RAB28: variants seen among roughly 807,000 people sequenced by gnomAD.
The protein encoded by RAB28 is ras-related protein Rab-28.
A neutral mutation model predicts 31.7 loss-of-function variants in RAB28; 24 were observed. The ratio of observed to expected loss-of-function variants is 0.76; its 90% CI spans 0.55 to 1.06. The LOEUF is 1.06. Ranked by LOEUF, RAB28 falls within the 50% of genes least tolerant of loss-of-function variation. The pLI is 0.00. For synonymous variants in RAB28, 100 were observed against 90.4 expected (o/e 1.11, Z -0.60); for missense variants, 254 against 258.5 (o/e 0.98, Z 0.12).
intron 4 of RAB28, among the ~76,000 whole-genome samples, chr4:13,385,556 G>C (rs1729331465): frequency 6.6e-6 from 1 of 152,090 alleles, no homozygotes; most frequent in African/African-American, 2.4e-5. Flanking sequence ...TTAAAGAAAA[G>C]AAATTCCAGC....
At chr4:13,451,050 C>A (rs1714943586) in intron 4 of RAB28, among the ~76,000 whole-genome samples, 1 of 151,764 alleles carries the variant, frequency 6.6e-6, no homozygotes. Context: ...ATAATCTGAT[C>A]TGCAATTTGG....
chr4:13,405,123 A>G (rs190342469), intron 4 of RAB28, among the ~76,000 whole-genome samples: 58 of 152,288 alleles, frequency 3.8e-4, no homozygotes, highest in Admixed American at 2.0e-3. Context: ...GTGCTGGAAA[A>G]TCAGCTGAAA....
At position 13,447,632 on chromosome 4, in the gene RAB28, G is replaced by T. The variant is rs542483842; in HGVS notation, c.391+13067C>A. Among the ~76,000 whole-genome samples, 9 of 152,180 alleles carry T rather than the reference G, an allele frequency of 5.9e-5. No individual in the cohort carries two copies. The South Asian group carries it at 1.7e-3, about 28-fold the overall frequency. On this transcript the variant is annotated intron_variant, in intron 4 of 6. Transcript: ENST00000330852. ...AAATTTTTTTTAAAAAAGCGATTTAGAGCCCCCAAAATACCCTTAAAGTTG... is the reference window on the plus strand; with the variant it reads ...AAATTTTTTTTAAAAAAGCGATTTATAGCCCCCAAAATACCCTTAAAGTTG...
At chr4:13,369,895 C>A (rs1485542079) in intron 6 of RAB28, 2 of 1,612,160 alleles carry the variant, frequency 1.2e-6, no homozygotes, top group South Asian at 2.2e-5. Flanking sequence ...TGAACAGATT[C>A]TACTCTGAGT....
At chr4:13,407,332 T>C (rs982303442) in intron 4 of RAB28, among the ~76,000 whole-genome samples, 1 of 152,222 alleles carries the variant, frequency 6.6e-6, no homozygotes, top group East Asian at 1.9e-4. Flanking sequence ...TGTGGCGTTA[T>C]TTCTGAGGCC....
At chr4:13,391,217 C>A (rs1425844674) in intron 4 of RAB28, among the ~76,000 whole-genome samples, 1 of 152,026 alleles carries the variant, frequency 6.6e-6, no homozygotes. Context: ...AAGAAAAAAA[C>A]AAACAACCCC....
intron 4 of RAB28, among the ~76,000 whole-genome samples, chr4:13,452,398 G>C (rs1172517299): frequency 1.3e-5 from 2 of 151,748 alleles, no homozygotes; most frequent in Non-Finnish European, 1.5e-5. Context: ...TTTGATGCAG[G>C]CATTTATTGA....
chr4:13,411,087 A>G lies in RAB28; in HGVS notation c.392-29493T>C, dbSNP rs1288885187. 3.3e-5 allele frequency among the ~76,000 whole-genome samples: 5 copies of G among 152,156 alleles called. No individual in the cohort carries two copies. In the East Asian group the frequency reaches 9.6e-4, roughly 29 times the overall value. ...AAAGAAACAGAGAAAAAAATCCTATAAACTCAATGAGAGGGAAAAATACAT... is the reference window on the plus strand; with the variant it reads ...AAAGAAACAGAGAAAAAAATCCTATGAACTCAATGAGAGGGAAAAATACAT... On this transcript the variant is annotated intron_variant, in intron 4 of 6. Coordinates refer to ENST00000330852, the MANE Select transcript of RAB28 (RefSeq NM_001017979.3).
At chr4:13,424,599 A>AT (rs1483822246) in intron 4 of RAB28, among the ~76,000 whole-genome samples, 1 of 152,198 alleles carries the variant, frequency 6.6e-6, no homozygotes, top group African/African-American at 2.4e-5. Context: ...GAGACAATTC[A>AT]ACCCATACAA....
chr4:13,425,228 C>T (rs1713406730), intron 4 of RAB28, among the ~76,000 whole-genome samples: 1 of 152,072 alleles, frequency 6.6e-6, no homozygotes, highest in Non-Finnish European at 1.5e-5. Flanking sequence ...GGTATCAAAA[C>T]TAGACAAGAA....
intron 5 of RAB28, among the ~76,000 whole-genome samples, chr4:13,377,914 GC>G (rs1384579098): frequency 6.6e-6 from 1 of 152,134 alleles, no homozygotes; most frequent in Non-Finnish European, 1.5e-5. Flanking sequence ...AGTTTTTTTG[GC>G]CTGAGCAACT....
At chr4:13,443,766 G>C (rs1308124774) in intron 4 of RAB28, among the ~76,000 whole-genome samples, 1 of 151,990 alleles carries the variant, frequency 6.6e-6, no homozygotes, top group Non-Finnish European at 1.5e-5. Flanking sequence ...TAGTTACCAT[G>C]CTGTACAATA....
intron 4 of RAB28, among the ~76,000 whole-genome samples, chr4:13,392,387 TA>T (rs1729678364): frequency 6.6e-6 from 1 of 152,230 alleles, no homozygotes. Flanking sequence ...TGACCTCTGT[TA>T]TTATTTTACC....
chr4:13,413,097 G>C (rs1003334930), intron 4 of RAB28, among the ~76,000 whole-genome samples: 1 of 151,666 alleles, frequency 6.6e-6, no homozygotes, highest in Non-Finnish European at 1.5e-5. Flanking sequence ...TAACAGAACA[G>C]AAAAAAATAA....
At chr4:13,474,092 A>T (rs781313623) in intron 3 of RAB28, 2 of 676,798 alleles carry the variant, frequency 3.0e-6, no homozygotes, top group African/African-American at 3.5e-5. Flanking sequence ...TGTAAATAAC[A>T]TACGAAAGCT....
At chr4:13,416,899 C>T (rs547688391) in intron 4 of RAB28, among the ~76,000 whole-genome samples, 3 of 152,170 alleles carry the variant, frequency 2.0e-5, no homozygotes, top group Admixed American at 2.0e-4. Flanking sequence ...ACAGTGGATG[C>T]AGCCCATGGA....
At chr4:13,422,610 C>T (rs1043822308) in intron 4 of RAB28, among the ~76,000 whole-genome samples, 5 of 151,962 alleles carry the variant, frequency 3.3e-5, no homozygotes, top group East Asian at 1.9e-4. Flanking sequence ...GGGACATGGA[C>T]GAAGCTGGAA....
At chr4:13,381,680 A>C (rs1729135897) in intron 4 of RAB28, 86 bp from the exon 5 acceptor site, 1 of 932,282 alleles carries the variant, frequency 1.1e-6, no homozygotes. Flanking sequence ...CTTGCTTTCC[A>C]ATATTATATT....
chr4:13,417,906 A>G (rs1712890966), intron 4 of RAB28, among the ~76,000 whole-genome samples: 1 of 152,230 alleles, frequency 6.6e-6, no homozygotes, highest in Non-Finnish European at 1.5e-5. Context: ...GACTTTGATG[A>G]GCTGACAGAA....
Sources: gnomAD v4.1 joint callset for allele counts (sites outside exome capture counted in the v4.1 genomes callset) on GRCh38, gnomAD v4.1.1 for gene constraint, MANE v1.5 for transcripts, NCBI Gene and HGNC (gene_info 2026-07-23, HGNC 2026-07-21) for gene names.